Variants in TES observed in about 807,000 individuals in gnomAD.
The protein encoded by TES is testin LIM domain protein.
A neutral mutation model predicts 48.2 loss-of-function variants in TES; 41 were observed. The ratio of observed to expected loss-of-function variants is 0.85; its 90% confidence interval spans 0.66 to 1.10. The LOEUF (loss-of-function observed/expected upper bound fraction) is 1.10, where lower values mean the gene tolerates loss of function less well. Ranked by LOEUF, TES falls within the 50% of genes least tolerant of loss-of-function variation. The probability of loss-of-function intolerance (pLI) is 0.00; values close to 1 mark genes in which losing one functional copy is unlikely to be tolerated. For synonymous variants in TES, 162 were observed against 174.9 expected, an observed-to-expected ratio of 0.93 and a Z score of 0.58; for missense variants, 463 against 515.1, an observed-to-expected ratio of 0.90 and a Z score of 0.98.
intron 2 of TES, among the ~76,000 whole-genome samples, chr7:116,236,184 C>A (rs1799768628): frequency 1.3e-5 from 2 of 152,098 alleles, no homozygotes; most frequent in African/African-American, 2.4e-5. Flanking sequence ...TTCTATTGGG[C>A]CTATTAGTTA....
At chr7:116,252,260 T>TA in intron 5 of TES, 58 bp from the exon 6 acceptor site, 1 of 1,516,434 alleles carries the variant, frequency 6.6e-7, no homozygotes. Context: ...AGTATGTTGT[T>TA]ACAGATATAA....
chr7:116,233,771 A>G (rs966021367), intron 1 of TES, among the ~76,000 whole-genome samples: 2 of 152,170 alleles, frequency 1.3e-5, no homozygotes, highest in African/African-American at 2.4e-5. Flanking sequence ...GAAGTTCAAA[A>G]TCAAGGCACT....
Position 116,249,064 on chromosome 7 carries a change from T to A in TES, c.158T>A (p.Val53Asp). Reference protein sequence around the residue: ...NCKCGQEEHDVLLSNEEDRKV... With the variant: ...NCKCGQEEHDDLLSNEEDRKV... ...AAGTGTGGCCAAGAAGAGCATGATG[T>A]CCTCTTGAGCAATGAAGAGGATCGA... The change falls in exon 3 of 7, where the codon GTC becomes GAC. Residue 53 changes from valine (V) to aspartate (D), a missense_variant. Transcript: ENST00000358204. 3 of 1,613,200 alleles carry A rather than the reference T, an allele frequency of 1.9e-6. No individual in the cohort carries two copies. Among genetic ancestry groups the A allele is most frequent in the Non-Finnish European group, 2.5e-6 (3 of 1,179,246 alleles).
chr7:116,246,786 C>T (rs1213824906), intron 2 of TES, among the ~76,000 whole-genome samples: 1 of 152,108 alleles, frequency 6.6e-6, no homozygotes, highest in African/African-American at 2.4e-5. Context: ...CTTATGGGGT[C>T]CCTTCTTCAC....
intron 2 of TES, among the ~76,000 whole-genome samples, chr7:116,235,918 T>C (rs1482197250): frequency 6.6e-6 from 1 of 152,186 alleles, no homozygotes; most frequent in Admixed American, 6.5e-5. Context: ...CAAAGATAAT[T>C]GTTTAAAATA....
At chr7:116,227,798 A>G (rs1024281332) in intron 1 of TES, among the ~76,000 whole-genome samples, 1 of 152,270 alleles carries the variant, frequency 6.6e-6, no homozygotes, top group African/African-American at 2.4e-5. Flanking sequence ...CATATGATCT[A>G]CCTTCATTCC....
chr7:116,244,188 C>T (rs1333073686), intron 2 of TES, among the ~76,000 whole-genome samples: 2 of 152,172 alleles, frequency 1.3e-5, no homozygotes, highest in Non-Finnish European at 2.9e-5. Context: ...ACAATTATGC[C>T]CTTCCAACAG....
chr7:116,213,655 A>G (rs1799462960), intron 1 of TES, among the ~76,000 whole-genome samples: 1 of 152,230 alleles, frequency 6.6e-6, no homozygotes, highest in Non-Finnish European at 1.5e-5. Context: ...ATTTTGCTAT[A>G]TTTTGTTTTG....
At chr7:116,221,356 A>T (rs1298902804) in intron 1 of TES, among the ~76,000 whole-genome samples, 1 of 152,076 alleles carries the variant, frequency 6.6e-6, no homozygotes, top group Non-Finnish European at 1.5e-5. Flanking sequence ...CCGTATAGGG[A>T]ATTGGTATGT....
rs1215069364 is a variant in TES, at chr7:116,252,355, A to G, written c.956A>G (p.Gln319Arg). The G allele has an allele frequency of 6.2e-7, 1 of 1,613,746 alleles. No individual in the cohort carries two copies. Among genetic ancestry groups the G allele is most frequent in the South Asian group, 1.1e-5 (1 of 91,082 alleles). ...AATGAGTATACCCAGGCAGAAAACC[A>G]GAATTGGCACCTGAAACACTTCTGC... ...FSNEYTQAEN[Q>R]NWHLKHFCCF... Residue 319 changes from glutamine to arginine, a missense_variant, in exon 6 of 7, where the codon CAG becomes CGG. Coordinates refer to ENST00000358204, the MANE Select transcript of TES (RefSeq NM_015641.4).
chr7:116,249,593 TAAA>T (rs1201214748), intron 3 of TES: 1 of 235,766 alleles, frequency 4.2e-6, no homozygotes, highest in Non-Finnish European at 8.2e-6. Flanking sequence ...CTTAAGATGG[TAAA>T]GAAGAGAATT....
chr7:116,249,641 C>A (rs550773052), intron 3 of TES: 20 of 186,920 alleles, frequency 1.1e-4, no homozygotes, highest in Non-Finnish European at 2.1e-4. Context: ...AAATATTCAA[C>A]ATTATCTTTG....
chr7:116,213,143 C>T (rs1015424288), intron 1 of TES, among the ~76,000 whole-genome samples: 1 of 152,150 alleles, frequency 6.6e-6, no homozygotes, highest in Admixed American at 6.5e-5. Context: ...ATTTATGTTC[C>T]TTTTAGCAAT....
chr7:116,233,098 G>A lies in TES; in HGVS notation c.28-1436G>A, dbSNP rs116357879. On this transcript the variant is annotated intron_variant, in intron 1 of 6. Transcript: ENST00000358204. ...CAGCTTGGTAAAGTTACAAAAGAGG[G>A]CCATTGAAAAATACCTATTACTTGT... is the stretch of plus-strand genomic sequence containing the variant. Among the ~76,000 whole-genome samples the A allele has an allele frequency of 8.7e-3, 1,328 of 152,254 alleles. 21 individuals are homozygous for A. The highest frequency in any genetic ancestry group is 0.031 in the African/African-American group (1,276 of 41,544).
intron 2 of TES, among the ~76,000 whole-genome samples, chr7:116,245,111 A>C (rs986691684): frequency 6.6e-6 from 1 of 152,004 alleles, no homozygotes; most frequent in African/African-American, 2.4e-5. Flanking sequence ...CCCTGGAGAC[A>C]TTTTCTCCAT....
At chr7:116,212,085 G>T (rs1198104875) in intron 1 of TES, among the ~76,000 whole-genome samples, 1 of 152,124 alleles carries the variant, frequency 6.6e-6, no homozygotes, top group Non-Finnish European at 1.5e-5. Flanking sequence ...AGCGGGGAAA[G>T]CATTTTGCCC....
intron 2 of TES, among the ~76,000 whole-genome samples, chr7:116,241,959 T>TA (rs1433674816): frequency 3.9e-5 from 6 of 152,212 alleles, no homozygotes; most frequent in Admixed American, 2.6e-4. Context: ...CACCATAGTT[T>TA]ATTCATGCTT....
intron 6 of TES, among the ~76,000 whole-genome samples, chr7:116,252,938 T>C (rs181043111): frequency 5.3e-5 from 8 of 152,352 alleles, no homozygotes; most frequent in Non-Finnish European, 7.3e-5. Flanking sequence ...CCTCATTGAA[T>C]TGATTTAGCA....
intron 1 of TES, among the ~76,000 whole-genome samples, chr7:116,214,814 AT>A (rs559977704): frequency 2.6e-3 from 396 of 152,018 alleles, no homozygotes; most frequent in Middle Eastern, 6.8e-3. Context: ...ACAGTTCTAA[AT>A]TTTTTCCATC....
Sources: allele counts gnomAD v4.1 joint callset (sites outside exome capture counted in the v4.1 genomes callset), GRCh38; gene constraint gnomAD v4.1.1; transcripts MANE v1.5; gene names NCBI Gene and HGNC (gene_info 2026-07-23, HGNC 2026-07-21).